SSNA1: variants seen among roughly 807,000 people sequenced by gnomAD.
SSNA1 encodes the protein microtubule nucleation factor SSNA1.
In SSNA1, 13 loss-of-function variants were observed where a neutral mutation model predicts 13.3. The observed-to-expected ratio is 0.97, with a 90% confidence interval of 0.63 to 1.55. The LOEUF (loss-of-function observed/expected upper bound fraction) is 1.55. Ranked by LOEUF, SSNA1 falls within the 40% of genes most tolerant of loss-of-function variation. The pLI, the probability that SSNA1 is intolerant of heterozygous loss-of-function variation, is 0.00. For synonymous variants in SSNA1, 89 were observed against 65.9 expected (o/e 1.35, Z -1.70); for missense variants, 186 against 152.7 (o/e 1.22, Z -1.15).
Position 137,190,093 on chromosome 9 carries a change from G to T in SSNA1, c.*179G>T. ...GACAAGCCCAGGGCACAGCCCACCC[G>T]GGGGTCCTCGCTTCATGCTCACACA... On this transcript the variant is annotated 3_prime_UTR_variant, in exon 3 of 3. Transcript: ENST00000322310. The T allele has an allele frequency of 1.7e-6, 1 of 597,814 alleles. No homozygotes were observed. The allele number at this position is 597,814 out of a possible 1,614,324, so 37.0% of individuals were successfully genotyped here.
rs376755515 is a variant in SSNA1, at chr9:137,190,079, G to A, written c.*165G>A. ...CCACTGGCATCAGTGACAAGCCCAG[G>A]GCACAGCCCACCCGGGGGTCCTCGC... On this transcript the variant is annotated 3_prime_UTR_variant, in exon 3 of 3. Transcript: ENST00000322310. 1.6e-6 allele frequency: 1 copy of A among 637,768 alleles called. No homozygotes were observed. The highest frequency in any genetic ancestry group is 2.7e-6 in the Non-Finnish European group (1 of 367,018). 39.5% of individuals were successfully genotyped at this position (637,768 alleles called of 1,614,324 possible). A position where few individuals can be genotyped will look rare whatever the true frequency, so the allele number is the denominator to read the frequency against.
At chr9:137,189,017 C>T (rs1834550145) in intron 1 of SSNA1, 49 bp from the exon 2 acceptor site, 1 of 1,536,124 alleles carries the variant, frequency 6.5e-7, no homozygotes, top group East Asian at 2.5e-5. Flanking sequence ...CGCCCTCCGC[C>T]GCCGCGCTCC....
chr9:137,189,104 C>T lies in SSNA1; in HGVS notation c.91C>T (p.Arg31Trp), dbSNP rs1382912705. ...ELCQKREELC[R>W]QIQEEEDEKQ... Reference sequence around the variant, plus strand: ...GTGCCAGAAGCGGGAGGAGCTGTGCCGGCAGATCCAGGAGGAGGAGGACGA... The same window carrying T: ...GTGCCAGAAGCGGGAGGAGCTGTGCTGGCAGATCCAGGAGGAGGAGGACGA... Residue 31 changes from arginine to tryptophan, a missense_variant, in exon 2 of 3, where the codon CGG becomes TGG. Coordinates refer to ENST00000322310, the MANE Select transcript of SSNA1 (RefSeq NM_003731.3). 3 of 1,596,262 alleles carry T rather than the reference C, an allele frequency of 1.9e-6. No homozygotes were observed. The highest frequency in any genetic ancestry group is 1.3e-5 in the African/African-American group (1 of 74,602).
intron 1 of SSNA1, 40 bp from the exon 2 acceptor site, chr9:137,189,026 C>G: frequency 6.5e-7 from 1 of 1,545,794 alleles, no homozygotes; most frequent in Non-Finnish European, 8.7e-7. Context: ...CCGCCGCGCT[C>G]CTGCCCTGGG....
At chr9:137,189,746 T>C in intron 2 of SSNA1, 61 bp from the exon 3 acceptor site, 3 of 1,496,128 alleles carry the variant, frequency 2.0e-6, no homozygotes, top group Non-Finnish European at 2.8e-6. Flanking sequence ...TGAGGACAGC[T>C]GGGGCTTAGG....
rs1404348624 is a variant in SSNA1, at chr9:137,190,083, C to CA, written c.*170dup. On this transcript the variant is annotated 3_prime_UTR_variant, in exon 3 of 3. Coordinates refer to ENST00000322310, the MANE Select transcript of SSNA1 (RefSeq NM_003731.3). The stretch of plus-strand genomic sequence containing the variant: ...TGGCATCAGTGACAAGCCCAGGGCA[C>CA]AGCCCACCCGGGGGTCCTCGCTTCA... 4 of 628,610 alleles carry CA rather than the reference C, an allele frequency of 6.4e-6. No individual in the cohort carries two copies. The highest frequency in any genetic ancestry group is 1.8e-5 in the African/African-American group (1 of 54,462). 38.9% of individuals were successfully genotyped at this position (628,610 alleles called of 1,614,324 possible). A position where few individuals can be genotyped will look rare whatever the true frequency, so the allele number is the denominator to read the frequency against.
Position 137,189,026 on chromosome 9 carries a change from C to T in SSNA1, c.53-40C>T, listed in dbSNP as rs1343352747. ...GAGGCCCGCCCTCCGCCGCCGCGCT[C>T]CTGCCCTGGGCCCACAGCGCCGCCC... On this transcript the variant is annotated intron_variant, in intron 1 of 2. Coordinates refer to ENST00000322310, the MANE Select transcript of SSNA1 (RefSeq NM_003731.3). 7 of 1,545,794 alleles carry T rather than the reference C, an allele frequency of 4.5e-6. No individual in the cohort carries two copies. The Admixed American group carries it at 7.8e-5, about 17-fold the overall frequency.
intron 2 of SSNA1, 76 bp downstream of exon 2, chr9:137,189,341 C>A: frequency 1.3e-6 from 2 of 1,534,086 alleles, no homozygotes; most frequent in Non-Finnish European, 1.8e-6. Context: ...GCGTCAGGAC[C>A]GGCTGGGGCT....
chr9:137,188,941 C>T, intron 1 of SSNA1, 125 bp from the exon 2 acceptor site: 2 of 1,337,034 alleles, frequency 1.5e-6, no homozygotes, highest in Admixed American at 2.9e-5. Flanking sequence ...CTCGCTGGCT[C>T]GCAGGCCCCG....
At chr9:137,188,807 CG>C in intron 1 of SSNA1, 29 bp downstream of exon 1, 1 of 1,549,802 alleles carries the variant, frequency 6.5e-7, no homozygotes, top group African/African-American at 1.4e-5. Context: ...ACGGGGAGGT[CG>C]GGAGGGCCGC....
intron 1 of SSNA1, 57 bp downstream of exon 1, chr9:137,188,835 C>G: frequency 2.0e-6 from 3 of 1,502,898 alleles, no homozygotes; most frequent in Middle Eastern, 2.0e-4. Flanking sequence ...GGGTTCCCGG[C>G]TCGCAGCGGG....
chr9:137,190,167 CTG>C lies in SSNA1; in HGVS notation c.*256_*257del, dbSNP rs539146935. On this transcript the variant is annotated 3_prime_UTR_variant, in exon 3 of 3. Coordinates refer to ENST00000322310, the MANE Select transcript of SSNA1 (RefSeq NM_003731.3). ...GGTCAGCTCTGCAAGGGGCTTGTCT[CTG>C]TGGCACCCACACTCCTGCCCTGCCA... The C allele has an allele frequency of 1.6e-4, 74 of 464,912 alleles. No homozygotes were observed. The highest frequency in any genetic ancestry group is 1.2e-3 in the African/African-American group (60 of 50,838). The allele number at this position is 464,912 out of a possible 1,614,324, so 28.8% of individuals were successfully genotyped here.
At position 137,189,014 on chromosome 9, in the gene SSNA1, C is replaced by G; in HGVS notation, c.53-52C>G. On this transcript the variant is annotated intron_variant, in intron 1 of 2. Coordinates refer to ENST00000322310, the MANE Select transcript of SSNA1 (RefSeq NM_003731.3). ...CTCGGGTGGAAGGAGGCCCGCCCTCCGCCGCCGCGCTCCTGCCCTGGGCCC... is the reference window on the plus strand; with the variant it reads ...CTCGGGTGGAAGGAGGCCCGCCCTCGGCCGCCGCGCTCCTGCCCTGGGCCC... The G allele has an allele frequency of 5.2e-6, 8 of 1,535,464 alleles. No individual in the cohort carries two copies. In the South Asian group the frequency reaches 9.5e-5, roughly 18 times the overall value.
In SSNA1 at chr9:137,190,261, C is replaced by A. The variant is rs909785888; in HGVS notation, c.*347C>A. On this transcript the variant is annotated 3_prime_UTR_variant, in exon 3 of 3. Coordinates refer to ENST00000322310, the MANE Select transcript of SSNA1 (RefSeq NM_003731.3). ...CTTGTCCCTCCTCAGCCAGCAGAGG[C>A]CCAGGGCAAGGGACAGGAGGACAGG... 3.2e-6 allele frequency: 1 copy of A among 313,882 alleles called. No homozygotes were observed. The highest frequency in any genetic ancestry group is 2.1e-5 in the African/African-American group (1 of 47,050). The allele number at this position is 313,882 out of a possible 1,614,324, so 19.4% of individuals were successfully genotyped here.
In SSNA1 at chr9:137,188,897, C is replaced by T. The variant is rs889653893; in HGVS notation, c.52+119C>T. The T allele has an allele frequency of 3.7e-6, 5 of 1,339,860 alleles. No individual in the cohort carries two copies. In the African/African-American group the frequency reaches 7.8e-5, roughly 21 times the overall value. The allele number at this position is 1,339,860 out of a possible 1,614,324, so 83.0% of individuals were successfully genotyped here. A position where few individuals can be genotyped will look rare whatever the true frequency, so the allele number is the denominator to read the frequency against. ...GCATCGCGCGGCTGAGCAGAGCCCT[C>T]CGTGCCGGAGGCCGGGTGTCCGTGG... On this transcript the variant is annotated intron_variant, in intron 1 of 2. Coordinates refer to ENST00000322310, the MANE Select transcript of SSNA1 (RefSeq NM_003731.3).
intron 2 of SSNA1, among the ~76,000 whole-genome samples, chr9:137,189,474 C>G (rs1260569244): frequency 1.3e-5 from 2 of 152,226 alleles, no homozygotes; most frequent in Admixed American, 6.5e-5. Flanking sequence ...CTGGGGCATC[C>G]TGGGTCCTGG....
In SSNA1 at chr9:137,189,997, C is replaced by T. The variant is rs550164596; in HGVS notation, c.*83C>T. 350 of 1,241,218 alleles carry T rather than the reference C, an allele frequency of 2.8e-4. 1 individual carries two copies. Among genetic ancestry groups the T allele is most frequent in the Admixed American group, 1.5e-3 (80 of 51,638 alleles). The allele number at this position is 1,241,218 out of a possible 1,614,324, so 76.9% of individuals were successfully genotyped here. On this transcript the variant is annotated 3_prime_UTR_variant, in exon 3 of 3. Coordinates refer to ENST00000322310, the MANE Select transcript of SSNA1 (RefSeq NM_003731.3). ...GTGCTCAGAGCATCTTTGTTCTTCA[C>T]GGCAGCAGCTACCTTCCCTCACTGT...
chr9:137,188,714 G>A lies in SSNA1; in HGVS notation c.-13G>A, dbSNP rs377078426. 5.0e-4 allele frequency: 795 copies of A among 1,581,906 alleles called. 3 individuals are homozygous for A. Among genetic ancestry groups the A allele is most frequent in the Middle Eastern group, 1.8e-3 (11 of 6,020 alleles). ...CGGCGGTTGGGGTGGTGGGGCCCCGGGCGGCGTTGACCATGACCCAGCAGG... is the reference window on the plus strand; with the variant it reads ...CGGCGGTTGGGGTGGTGGGGCCCCGAGCGGCGTTGACCATGACCCAGCAGG... On this transcript the variant is annotated 5_prime_UTR_variant, in exon 1 of 3. Coordinates refer to ENST00000322310, the MANE Select transcript of SSNA1 (RefSeq NM_003731.3).
Position 137,190,239 on chromosome 9 carries a change from G to T in SSNA1, c.*325G>T. The T allele has an allele frequency of 2.9e-6, 1 of 339,860 alleles. No individual in the cohort carries two copies. Among genetic ancestry groups the T allele is most frequent in the Non-Finnish European group, 5.6e-6 (1 of 180,024 alleles). 21.1% of individuals were successfully genotyped at this position (339,860 alleles called of 1,614,324 possible). On this transcript the variant is annotated 3_prime_UTR_variant, in exon 3 of 3. Transcript: ENST00000322310. ...AGCACCATGGGGGCCCCCTCACCTT[G>T]TCCCTCCTCAGCCAGCAGAGGCCCA...
Sources: gnomAD v4.1 joint callset for allele counts (sites outside exome capture counted in the v4.1 genomes callset) on GRCh38, gnomAD v4.1.1 for gene constraint, MANE v1.5 for transcripts, NCBI Gene and HGNC (gene_info 2026-07-23, HGNC 2026-07-21) for gene names.